Variants in CDV3 observed in about 807,000 individuals in gnomAD.
The protein encoded by CDV3 is CDV3 homolog, also known as protein CDV3 homolog.
A neutral mutation model predicts 24.5 loss-of-function variants in CDV3; 14 were observed. The ratio of observed to expected loss-of-function variants is 0.57; its 90% CI spans 0.38 to 0.89. The LOEUF (loss-of-function observed/expected upper bound fraction) is 0.89, where lower values mean the gene tolerates loss of function less well. CDV3 is among the 40% of genes least tolerant of loss of function. CDV3 has a pLI of 0.00. For synonymous variants in CDV3, 114 were observed against 114.1 expected (o/e 1.00, Z 0.00); for missense variants, 304 against 310.2 (o/e 0.98, Z 0.15).
chr3:133,588,131 A>T lies in CDV3; in HGVS notation c.*85A>T. 4 of 1,571,258 alleles carry T rather than the reference A, an allele frequency of 2.5e-6. No individual in the cohort carries two copies. The South Asian group carries it at 4.8e-5, about 19-fold the overall frequency. On this transcript the variant is annotated 3_prime_UTR_variant, in exon 5 of 5. Coordinates refer to ENST00000264993, the MANE Select transcript of CDV3 (RefSeq NM_017548.5). ...CCATTCATCATCTGATCTCTGCTGG[A>T]TCTACAGACACCGATGCAGACCACT...
At chr3:133,587,813 C>CT (rs1451451839) in intron 4 of CDV3, 83 bp from the exon 5 acceptor site, 75 of 1,511,046 alleles carry the variant, frequency 5.0e-5, no homozygotes, top group Non-Finnish European at 5.6e-5. Flanking sequence ...TAAGGGGTGG[C>CT]TTTTTTTTAA....
chr3:133,578,628 A>G (rs2074905693), intron 2 of CDV3, among the ~76,000 whole-genome samples: 3 of 152,208 alleles, frequency 2.0e-5, no homozygotes, highest in Non-Finnish European at 1.5e-5. Context: ...GGGTCAGGAA[A>G]GATTCTTTGG....
chr3:133,589,224 T>C lies in CDV3; in HGVS notation c.*1178T>C, dbSNP rs1047230246. ...GATTGTGCATGATCTTTGATAAGAA[T>C]TCCTCATGTACTTGTGCCTAGTTTT... On this transcript the variant is annotated 3_prime_UTR_variant, in exon 5 of 5. Transcript: ENST00000264993. The C allele has an allele frequency of 6.6e-6, 1 of 152,646 alleles. No homozygotes were observed. 9.5% of individuals were successfully genotyped at this position (152,646 alleles called of 1,614,324 possible).
intron 3 of CDV3, among the ~76,000 whole-genome samples, chr3:133,585,532 T>C (rs1933509480): frequency 6.6e-6 from 1 of 151,596 alleles, no homozygotes; most frequent in Non-Finnish European, 1.5e-5. Flanking sequence ...TCTCACTCTC[T>C]TGCCCAGGCT....
At position 133,586,616 on chromosome 3, in the gene CDV3, G is replaced by T; in HGVS notation, c.520G>T (p.Ala174Ser). Reference protein sequence around the residue: ...MTSGVYRPPGARLTTTRKTPQ... With the variant: ...MTSGVYRPPGSRLTTTRKTPQ... ...TAGTGGTGTGTATAGGCCTCCTGGG[G>T]CCAGGTTAACCACAACAAGGAAAAC... is the stretch of plus-strand genomic sequence containing the variant. Residue 174 changes from alanine to serine, a missense_variant, in exon 4 of 5, where the codon GCC becomes TCC. Ala to Ser is a moderately conservative substitution (Grantham distance 99). Coordinates refer to ENST00000264993, the MANE Select transcript of CDV3 (RefSeq NM_017548.5). The T allele has an allele frequency of 6.3e-7, 1 of 1,599,964 alleles. No homozygotes were observed. Among genetic ancestry groups the T allele is most frequent in the South Asian group, 1.1e-5 (1 of 90,782 alleles).
chr3:133,583,625 C>T (rs565709035), intron 2 of CDV3, among the ~76,000 whole-genome samples: 26 of 152,284 alleles, frequency 1.7e-4, no homozygotes, highest in Non-Finnish European at 3.2e-4. Context: ...TGCAGTGGCA[C>T]GATCTCAGCT....
At chr3:133,583,371 G>T (rs908845845) in intron 2 of CDV3, among the ~76,000 whole-genome samples, 1 of 152,158 alleles carries the variant, frequency 6.6e-6, no homozygotes, top group Non-Finnish European at 1.5e-5. Context: ...TTAAATGCCT[G>T]TTTGTACACT....
chr3:133,579,691 C>G (rs996624987), intron 2 of CDV3, among the ~76,000 whole-genome samples: 3 of 152,066 alleles, frequency 2.0e-5, no homozygotes, highest in Non-Finnish European at 4.4e-5. Flanking sequence ...CTCCCAAGTT[C>G]AAGCGATTCT....
intron 2 of CDV3, among the ~76,000 whole-genome samples, chr3:133,577,756 T>G (rs933546814): frequency 2.6e-5 from 4 of 152,248 alleles, no homozygotes; most frequent in African/African-American, 9.6e-5. Flanking sequence ...AAATTTTTCA[T>G]TAGCAGCAAA....
At chr3:133,574,527 C>T in intron 1 of CDV3, 1 of 986,018 alleles carries the variant, frequency 1.0e-6, no homozygotes. Context: ...AAGGCCCGGG[C>T]GGCGCCACCC....
At chr3:133,577,324 G>C (rs979278413) in intron 2 of CDV3, among the ~76,000 whole-genome samples, 1 of 150,840 alleles carries the variant, frequency 6.6e-6, no homozygotes, top group African/African-American at 2.4e-5. Flanking sequence ...CTATTTCTCG[G>C]TATACTGAGA....
intron 2 of CDV3, among the ~76,000 whole-genome samples, chr3:133,581,482 TAAAG>T (rs1304509893): frequency 1.3e-5 from 2 of 152,216 alleles, no homozygotes; most frequent in African/African-American, 4.8e-5. Flanking sequence ...TGTAGAAGCA[TAAAG>T]AAATATGTAA....
rs934502152 is a variant in CDV3, at chr3:133,574,517, A to G, written c.240+233A>G. The stretch of plus-strand genomic sequence containing the variant: ...CACCCCGCGTCGCTCGGCGTTAGCC[A>G]AGGCCCGGGCGGCGCCACCCTCCGG... On this transcript the variant is annotated intron_variant, in intron 1 of 4. Coordinates refer to ENST00000264993, the MANE Select transcript of CDV3 (RefSeq NM_017548.5). 3.3e-5 allele frequency: 33 copies of G among 986,080 alleles called. No individual in the cohort carries two copies. The African/African-American group carries it at 4.2e-4, about 13-fold the overall frequency. 61.1% of individuals were successfully genotyped at this position (986,080 alleles called of 1,614,324 possible).
At chr3:133,580,570 C>T (rs1022504734) in intron 2 of CDV3, among the ~76,000 whole-genome samples, 2 of 152,068 alleles carry the variant, frequency 1.3e-5, no homozygotes, top group Non-Finnish European at 2.9e-5. Context: ...GGCATGATGG[C>T]GCATGCCTGT....
At chr3:133,583,361 T>TGTTTG (rs1933254741) in intron 2 of CDV3, among the ~76,000 whole-genome samples, 2 of 152,342 alleles carry the variant, frequency 1.3e-5, no homozygotes, top group African/African-American at 4.8e-5. Flanking sequence ...TATGCTTACC[T>TGTTTG]TAAATGCCTG....
At chr3:133,587,217 C>G in intron 4 of CDV3, 1 of 1,326,616 alleles carries the variant, frequency 7.5e-7, no homozygotes, top group Non-Finnish European at 9.8e-7. Context: ...ACATCTACAT[C>G]TTACTTTAGG....
At chr3:133,587,220 A>T (rs191006976) in intron 4 of CDV3, 102 of 1,311,262 alleles carry the variant, frequency 7.8e-5, no homozygotes, top group Non-Finnish European at 9.8e-5. Context: ...TCTACATCTT[A>T]CTTTAGGGAC....
intron 2 of CDV3, among the ~76,000 whole-genome samples, chr3:133,578,600 A>G (rs2074904629): frequency 6.6e-6 from 1 of 152,214 alleles, no homozygotes; most frequent in South Asian, 2.1e-4. Flanking sequence ...GAGGAGAGAC[A>G]TTTCATCATC....
Position 133,574,038 on chromosome 3 carries a change from C to T in CDV3, c.-7C>T. On this transcript the variant is annotated 5_prime_UTR_variant, in exon 1 of 5. Transcript: ENST00000264993. The stretch of plus-strand genomic sequence containing the variant: ...CCCCACCCATCCGGGTCGAGGAGGC[C>T]GAGGCCATGGCTGAGACGGAGGAGC... 1 of 1,171,432 alleles carries T rather than the reference C, an allele frequency of 8.5e-7. No homozygotes were observed. The highest frequency in any genetic ancestry group is 1.8e-5 in the South Asian group (1 of 54,174). The allele number at this position is 1,171,432 out of a possible 1,614,324, so 72.6% of individuals were successfully genotyped here.
Sources: gnomAD v4.1 joint callset for allele counts (sites outside exome capture counted in the v4.1 genomes callset) on GRCh38, gnomAD v4.1.1 for gene constraint, MANE v1.5 for transcripts, NCBI Gene and HGNC (gene_info 2026-07-23, HGNC 2026-07-21) for gene names.